The following TRIO variants were observed in gnomAD, a reference collection of about 807,000 sequenced individuals.
TRIO encodes the protein triple functional domain protein.
In TRIO, 58 loss-of-function variants were observed where a neutral mutation model predicts 351.9. The ratio of observed to expected loss-of-function variants is 0.16; its 90% confidence interval spans 0.13 to 0.21. The LOEUF (loss-of-function observed/expected upper bound fraction) is 0.21. TRIO is among the 10% of genes least tolerant of loss of function. The probability of loss-of-function intolerance (pLI) is 1.00; values close to 1 mark genes in which losing one functional copy is unlikely to be tolerated. For missense variants in TRIO, 3,201 were observed against 4,027.8 expected, an observed-to-expected ratio of 0.79 and a Z score of 5.56; for synonymous variants, 1,758 against 1,595.7, an observed-to-expected ratio of 1.10 and a Z score of -2.42.
At chr5:14,344,756 C>T (rs373465985) in intron 11 of TRIO, among the ~76,000 whole-genome samples, 9 of 152,282 alleles carry the variant, frequency 5.9e-5, no homozygotes, top group African/African-American at 1.7e-4. Context: ...TGTCCTCCTC[C>T]GAGTAATAAC....
intron 6 of TRIO, among the ~76,000 whole-genome samples, chr5:14,296,446 C>G (rs966540025): frequency 1.3e-5 from 2 of 152,162 alleles, no homozygotes; most frequent in Non-Finnish European, 2.9e-5. Flanking sequence ...AACTGATAGA[C>G]TTGAAGATAG....
intron 1 of TRIO, among the ~76,000 whole-genome samples, chr5:14,250,664 G>T (rs1794691661): frequency 6.6e-6 from 1 of 152,190 alleles, no homozygotes; most frequent in Non-Finnish European, 1.5e-5. Context: ...GAGGGATGGA[G>T]AGGCTGTACT....
intron 1 of TRIO, among the ~76,000 whole-genome samples, chr5:14,165,802 G>A (rs568464897): frequency 6.6e-6 from 1 of 152,142 alleles, no homozygotes; most frequent in Admixed American, 6.5e-5. Context: ...GAACTCTACC[G>A]GTGGTGTCAT....
intron 1 of TRIO, among the ~76,000 whole-genome samples, chr5:14,270,486 G>C (rs1023492345): frequency 1.3e-5 from 2 of 152,156 alleles, no homozygotes; most frequent in Non-Finnish European, 2.9e-5. Flanking sequence ...AAAGATTTAT[G>C]TACATTAATC....
chr5:14,485,281 T>G (rs1376011571), intron 47 of TRIO, 35 bp downstream of exon 47: 1 of 1,540,842 alleles, frequency 6.5e-7, no homozygotes, highest in Admixed American at 1.9e-5. Flanking sequence ...GTGTGCTTTC[T>G]TTCCTCGTGT....
intron 34 of TRIO, among the ~76,000 whole-genome samples, chr5:14,446,130 C>A (rs1752420818): frequency 6.6e-6 from 1 of 152,190 alleles, no homozygotes; most frequent in Non-Finnish European, 1.5e-5. Flanking sequence ...CCTGGAATAA[C>A]TCCAGCCCTC....
At chr5:14,359,893 C>G in intron 13 of TRIO, among the ~76,000 whole-genome samples, 1 of 152,218 alleles carries the variant, frequency 6.6e-6, no homozygotes, top group Non-Finnish European at 1.5e-5. Context: ...CTCCCTTGTC[C>G]TCAGCTTAGG....
At chr5:14,367,457 G>A (rs1026463949) in intron 16 of TRIO, among the ~76,000 whole-genome samples, 14 of 152,170 alleles carry the variant, frequency 9.2e-5, no homozygotes, top group African/African-American at 3.4e-4. Context: ...GTCAGTAAAC[G>A]ATGCCGACAG....
rs1554031816 is a variant in TRIO, at chr5:14,199,219, A to AAG, written c.157+55337_157+55338insAG. On this transcript the variant is annotated intron_variant, in intron 1 of 56. Transcript: ENST00000344204. ...TCAAAAAAAAAAAAAAAAAAAAAAA[A>AAG]CCTCCCTAAAAATGCAACTCAAAGT... is the stretch of plus-strand genomic sequence containing the variant. Among the ~76,000 whole-genome samples, 894 of 146,954 alleles carry AAG rather than the reference A, an allele frequency of 6.1e-3. 12 individuals are homozygous for AAG. The highest frequency in any genetic ancestry group is 0.018 in the Middle Eastern group (5 of 284).
At chr5:14,386,985 A>G (rs1372792424) in intron 21 of TRIO, among the ~76,000 whole-genome samples, 1 of 152,200 alleles carries the variant, frequency 6.6e-6, no homozygotes, top group Non-Finnish European at 1.5e-5. Context: ...CTTCAGGAAA[A>G]CCAAAAAGTC....
At position 14,374,218 on chromosome 5, in the gene TRIO, T is replaced by C. The variant is rs1198900960; in HGVS notation, c.3217-11T>C. 2.5e-6 allele frequency: 4 copies of C among 1,611,306 alleles called. No individual in the cohort carries two copies. In the South Asian group the frequency reaches 4.4e-5, roughly 18 times the overall value. On this transcript the variant is annotated splice_polypyrimidine_tract_variant and intron_variant, in intron 18 of 56. Transcript: ENST00000344204. ...CAAATTAGCAACACATTGCTCTCCA[T>C]TGTTTTTTAGGCTTGCACCCTTGCT...
intron 1 of TRIO, among the ~76,000 whole-genome samples, chr5:14,158,956 C>T (rs1581247909): frequency 2.6e-5 from 4 of 152,296 alleles, no homozygotes; most frequent in Admixed American, 2.6e-4. Flanking sequence ...TTTTCCTACC[C>T]CTTACAAAGT....
rs756618356 is a variant in TRIO, at chr5:14,330,659, G to A, written c.1732-119G>A. The A allele has an allele frequency of 3.7e-5, 47 of 1,286,760 alleles. 1 individual carries two copies. The East Asian group carries it at 5.0e-4, about 14-fold the overall frequency. 79.7% of individuals were successfully genotyped at this position (1,286,760 alleles called of 1,614,324 possible). A position where few individuals can be genotyped will look rare whatever the true frequency, so the allele number is the denominator to read the frequency against. On this transcript the variant is annotated intron_variant, in intron 9 of 56. Coordinates refer to ENST00000344204, the MANE Select transcript of TRIO (RefSeq NM_007118.4). ...TTACTTCTTCCCATTTTTTTTTCTC[G>A]TTTGCTTCTTGTTTCTTACAGAGTT...
At chr5:14,363,981 C>T (rs1744379480) in intron 14 of TRIO, 54 bp downstream of exon 14, 1 of 1,547,434 alleles carries the variant, frequency 6.5e-7, no homozygotes, top group Non-Finnish European at 8.8e-7. Context: ...GTCGTCATGG[C>T]AATTCGGCTT....
At chr5:14,253,250 C>G (rs1431160108) in intron 1 of TRIO, among the ~76,000 whole-genome samples, 1 of 152,122 alleles carries the variant, frequency 6.6e-6, no homozygotes, top group Non-Finnish European at 1.5e-5. Context: ...TTTTAAATGC[C>G]TATTTAGGGG....
At chr5:14,284,985 C>CA (rs1554047689) in intron 3 of TRIO, among the ~76,000 whole-genome samples, 19 of 152,170 alleles carry the variant, frequency 1.2e-4, no homozygotes, top group Non-Finnish European at 2.2e-4. Flanking sequence ...AATGGAATCT[C>CA]GAGGGATTGC....
intron 34 of TRIO, among the ~76,000 whole-genome samples, chr5:14,445,918 A>G (rs1752402131): frequency 6.6e-6 from 1 of 152,204 alleles, no homozygotes; most frequent in African/African-American, 2.4e-5. Flanking sequence ...CACAGTGCCC[A>G]CCACAGGCAC....
At chr5:14,489,321 A>G (rs1213990467) in intron 48 of TRIO, among the ~76,000 whole-genome samples, 1 of 152,216 alleles carries the variant, frequency 6.6e-6, no homozygotes, top group Non-Finnish European at 1.5e-5. Flanking sequence ...GTCTTGATAC[A>G]TTTATTTACA....
chr5:14,377,055 A>T (rs920125941), intron 19 of TRIO, among the ~76,000 whole-genome samples: 1 of 152,016 alleles, frequency 6.6e-6, no homozygotes, highest in African/African-American at 2.4e-5. Flanking sequence ...TGACTATTCT[A>T]TGTCATATGT....
Sources: allele counts gnomAD v4.1 joint callset (sites outside exome capture counted in the v4.1 genomes callset), GRCh38; gene constraint gnomAD v4.1.1; transcripts MANE v1.5; gene names NCBI Gene and HGNC (gene_info 2026-07-23, HGNC 2026-07-21).